HSF4: variants seen among roughly 807,000 people sequenced by gnomAD.
HSF4 encodes the protein heat shock factor protein 4.
Under a neutral mutation model 52.0 loss-of-function variants are expected in HSF4, and 41 were observed. The observed-to-expected ratio is 0.79, with a 90% CI of 0.61 to 1.02. The LOEUF is 1.02. Among genes scored for constraint, HSF4 ranks in the 50% least tolerant of loss-of-function variants. The pLI, the probability that HSF4 is intolerant of heterozygous loss-of-function variation, is 0.00. For synonymous variants in HSF4, 285 were observed against 273.0 expected (o/e 1.04, Z -0.43); for missense variants, 610 against 651.1 (o/e 0.94, Z 0.69).
chr16:67,166,309 C>G lies in HSF4; in HGVS notation c.486-11C>G. ...CTCAGATGCCTCAGCACCCTCCCAC[C>G]CCTTCCTCAGGCAGAACGAGATCTT... On this transcript the variant is annotated splice_polypyrimidine_tract_variant and intron_variant, in intron 4 of 12. Coordinates refer to ENST00000521374, the MANE Select transcript of HSF4 (RefSeq NM_001374675.1). 1.2e-6 allele frequency: 2 copies of G among 1,610,452 alleles called. No individual in the cohort carries two copies. The highest frequency in any genetic ancestry group is 2.2e-5 in the South Asian group (2 of 90,376).
At position 67,167,079 on chromosome 16, in the gene HSF4, A is replaced by G. The variant is rs559321331; in HGVS notation, c.627-41A>G. The G allele has an allele frequency of 1.1e-5, 17 of 1,613,464 alleles. No homozygotes were observed. The African/African-American group carries it at 1.5e-4, about 14-fold the overall frequency. ...TGCAGGCCGAGGTGCATGGGGGCTG[A>G]CCCTGCCCCACCCCTGCCTGTGCCC... is the stretch of plus-strand genomic sequence containing the variant. On this transcript the variant is annotated intron_variant, in intron 6 of 12. Transcript: ENST00000521374.
intron 6 of HSF4, 65 bp downstream of exon 6, chr16:67,166,687 G>A (rs914235834): frequency 2.1e-6 from 3 of 1,444,614 alleles, no homozygotes; most frequent in East Asian, 2.3e-5. Context: ...CCCTTGCAAG[G>A]ACCCCTTCTC....
At chr16:67,164,682 C>A (rs2031106198), upstream of HSF4, 2 of 1,164,820 alleles carry the variant, frequency 1.7e-6, no homozygotes, top group South Asian at 1.6e-5. Flanking sequence ...CGGGCTTGCA[C>A]GTGGCCCCCG....
At position 67,165,756 on chromosome 16, in the gene HSF4, C is replaced by T. The variant is rs1385107379; in HGVS notation, c.270C>T (p.Gly90=). The stretch of plus-strand genomic sequence containing the variant: ...AGGTGGTGAGCATCGAGCAGGGCGG[C>T]CTGCTTAGGCCGGAGCGCGACCACG... ...FRKVVSIEQG[G]LLRPERDHVE... The change falls in exon 3 of 13, where the codon GGC becomes GGT. Residue 90 remains glycine, a synonymous_variant. Coordinates refer to ENST00000521374, the MANE Select transcript of HSF4 (RefSeq NM_001374675.1). This position sits in a 1 kb window ranked among gnomAD's most constrained non-coding sequence, Gnocchi z 6.9. 6.2e-7 allele frequency: 1 copy of T among 1,611,180 alleles called. No homozygotes were observed. Among genetic ancestry groups the T allele is most frequent in the African/African-American group, 1.3e-5 (1 of 74,932 alleles).
At chr16:67,164,144 G>A (rs1409256143), upstream of HSF4, 1 of 634,488 alleles carries the variant, frequency 1.6e-6, no homozygotes, top group Non-Finnish European at 2.9e-6. Context: ...GGGCCTCAAG[G>A]GTGAGTGTGA....
chr16:67,165,029 C>T lies in HSF4; in HGVS notation c.123+95C>T. The stretch of plus-strand genomic sequence containing the variant: ...CGCCCAACCCCCTCCTGAGACTGGG[C>T]CGTGGATCCCCGGATTTGGCCATTC... On this transcript the variant is annotated intron_variant, in intron 1 of 12. Coordinates refer to ENST00000521374, the MANE Select transcript of HSF4 (RefSeq NM_001374675.1). The surrounding 1 kb of genome is among the most constrained non-coding windows in gnomAD (Gnocchi z 6.9). 7.6e-7 allele frequency: 1 copy of T among 1,313,900 alleles called. No homozygotes were observed. The highest frequency in any genetic ancestry group is 1.0e-6 in the Non-Finnish European group (1 of 978,432). 81.4% of individuals were successfully genotyped at this position (1,313,900 alleles called of 1,614,324 possible).
In HSF4 at chr16:67,167,557, C is replaced by T. The variant is rs770866756; in HGVS notation, c.812C>T (p.Ser271Phe). 6.2e-7 allele frequency: 1 copy of T among 1,613,752 alleles called. No homozygotes were observed. The highest frequency in any genetic ancestry group is 8.5e-7 in the Non-Finnish European group (1 of 1,179,988). The change falls in exon 8 of 13, where the codon TCC becomes TTC. Residue 271 changes from serine to phenylalanine, a missense_variant. By Grantham distance (155) the Ser-to-Phe change is radical. Transcript: ENST00000521374. Reference protein sequence around the residue: ...IISDIPEDSPSPEGTRLSPSS... With the variant: ...IISDIPEDSPFPEGTRLSPSS... ...TCTGACATCCCAGAAGACTCTCCAT[C>T]CCCTGAGGGGACCAGGCTTTCTCCC...
chr16:67,168,814 C>A lies in HSF4; in HGVS notation c.1083-17C>A. On this transcript the variant is annotated splice_polypyrimidine_tract_variant and intron_variant, in intron 9 of 12. Transcript: ENST00000521374. Reference sequence around the variant, plus strand: ...CGGGGTGGACACTGCAGGCCAAAAGCAGTTCTGTCTGCACAGGGGGCCTCT... The same window carrying A: ...CGGGGTGGACACTGCAGGCCAAAAGAAGTTCTGTCTGCACAGGGGGCCTCT... 6.3e-7 allele frequency: 1 copy of A among 1,599,888 alleles called. No individual in the cohort carries two copies. The highest frequency in any genetic ancestry group is 8.6e-7 in the Non-Finnish European group (1 of 1,167,806).
At chr16:67,168,562 G>A (rs1277732409) in intron 9 of HSF4, among the ~76,000 whole-genome samples, 1 of 152,082 alleles carries the variant, frequency 6.6e-6, no homozygotes, top group Non-Finnish European at 1.5e-5. Flanking sequence ...AGAAGAGAAA[G>A]AAGCATGGAT....
chr16:67,164,104 G>A (rs1267717585), upstream of HSF4: 3 of 679,780 alleles, frequency 4.4e-6, no homozygotes, highest in Non-Finnish European at 8.0e-6. Flanking sequence ...CGGCCCCGGC[G>A]CAGGGAGAGG....
upstream of HSF4, chr16:67,164,512 C>G (rs1368865989): frequency 3.2e-6 from 2 of 619,340 alleles, no homozygotes; most frequent in Non-Finnish European, 6.0e-6. Flanking sequence ...ATAGAGGGAC[C>G]GAGAGGGGTG....
At position 67,168,803 on chromosome 16, in the gene HSF4, C is replaced by T. The variant is rs751823529; in HGVS notation, c.1083-28C>T. ...GGAACTTAATGCGGGGTGGACACTG[C>T]AGGCCAAAAGCAGTTCTGTCTGCAC... On this transcript the variant is annotated intron_variant, in intron 9 of 12. Coordinates refer to ENST00000521374, the MANE Select transcript of HSF4 (RefSeq NM_001374675.1). 3.8e-6 allele frequency: 6 copies of T among 1,574,210 alleles called. No individual in the cohort carries two copies. The African/African-American group carries it at 4.0e-5, about 11-fold the overall frequency.
rs756720293 is a variant in HSF4 at position 67,167,765 on chromosome 16, G to A, written c.900G>A (p.Gly300=). ...TCAAAGAAGAGCCGGCCAGTCCAGG[G>A]GGGGATGGCGAGGCCGGGCTGGCCC... The part of the protein sequence containing the change: ...ALLKEEPASP[G]GDGEAGLALA... The change falls in exon 9 of 13, where the codon GGG becomes GGA. Residue 300 remains glycine, a synonymous_variant. Transcript: ENST00000521374. 6.2e-7 allele frequency: 1 copy of A among 1,605,056 alleles called. No individual in the cohort carries two copies. Among genetic ancestry groups the A allele is most frequent in the Admixed American group, 1.7e-5 (1 of 58,400 alleles).
Position 67,164,795 on chromosome 16 carries a change from C to G in HSF4, c.-17C>G, listed in dbSNP as rs369746035. 5.0e-4 allele frequency: 799 copies of G among 1,585,982 alleles called. 5 individuals are homozygous for G. In the African/African-American group the frequency reaches 9.6e-3, roughly 19 times the overall value. The stretch of plus-strand genomic sequence containing the variant: ...CAGCGGCCGGGCCCGAGCGCAGAGC[C>G]GGGCCGAGACTGCACCATGCAGGAA... On this transcript the variant is annotated 5_prime_UTR_variant, in exon 1 of 13. Transcript: ENST00000521374.
upstream of HSF4, chr16:67,164,196 G>A: frequency 4.0e-6 from 2 of 497,706 alleles, no homozygotes; most frequent in Admixed American, 2.8e-5. Context: ...TATTAAAGGC[G>A]GGGTCGGATC....
Position 67,165,437 on chromosome 16 carries a change from G to T in HSF4, c.124-85G>T, listed in dbSNP as rs1009552844. 4 of 1,233,532 alleles carry T rather than the reference G, an allele frequency of 3.2e-6. No homozygotes were observed. The highest frequency in any genetic ancestry group is 4.8e-6 in the Non-Finnish European group (4 of 837,390). The allele number at this position is 1,233,532 out of a possible 1,614,324, so 76.4% of individuals were successfully genotyped here. ...AGAGTGAGCATGAGTGTGTGCGCGC[G>T]CTGGAGCGCAGGACTGGCCGTGAGC... is the stretch of plus-strand genomic sequence containing the variant. On this transcript the variant is annotated intron_variant, in intron 1 of 12. Transcript: ENST00000521374. This position sits in a 1 kb window ranked among gnomAD's most constrained non-coding sequence, Gnocchi z 6.9.
chr16:67,169,574 C>G lies in HSF4; in HGVS notation c.1325-57C>G. ...AAGGCAGGCGGGCAGGGCTCTCCTT[C>G]CCTGAAGAAAGGAGGGGGAACATTT... On this transcript the variant is annotated intron_variant, in intron 12 of 12. Transcript: ENST00000521374. This position sits in a 1 kb window ranked among gnomAD's most constrained non-coding sequence, Gnocchi z 4.3. The G allele has an allele frequency of 6.3e-7, 1 of 1,599,730 alleles. No homozygotes were observed. The highest frequency in any genetic ancestry group is 1.1e-5 in the South Asian group (1 of 91,038).
intron 8 of HSF4, 36 bp downstream of exon 8, chr16:67,167,635 G>C: frequency 6.2e-7 from 1 of 1,612,496 alleles, no homozygotes; most frequent in Non-Finnish European, 8.5e-7. Flanking sequence ...GGGGCCTGTG[G>C]GGGAGGGCCT....
At chr16:67,168,749 T>C (rs1174281025) in intron 9 of HSF4, 82 bp from the exon 10 acceptor site, 1 of 1,033,008 alleles carries the variant, frequency 9.7e-7, no homozygotes, top group Non-Finnish European at 1.5e-6. Context: ...GATTGGGGGA[T>C]TAAAATCTTG....
Sources: gnomAD v4.1 joint callset for allele counts (sites outside exome capture counted in the v4.1 genomes callset) on GRCh38, gnomAD v4.1.1 for gene constraint, Gnocchi (gnomAD v3.1) non-coding constraint, MANE v1.5 for transcripts, NCBI Gene and HGNC (gene_info 2026-07-23, HGNC 2026-07-21) for gene names.